Variants in RANBP2 observed in about 807,000 individuals in gnomAD.
RANBP2 encodes the protein E3 SUMO-protein ligase RanBP2.
A neutral mutation model predicts 303.6 loss-of-function variants in RANBP2; 57 were observed. That is an observed-to-expected ratio of 0.19 (90% CI 0.15 to 0.23). RANBP2 has a LOEUF of 0.23. RANBP2 is among the 10% of genes least tolerant of loss of function. The pLI, the probability that RANBP2 is intolerant of heterozygous loss-of-function variation, is 1.00. For synonymous variants in RANBP2, 1,167 were observed against 1,301.5 expected (o/e 0.90, Z 2.23); for missense variants, 3,138 against 3,780.8 (o/e 0.83, Z 4.46).
At chr2:109,569,893 T>C in the RANBP2 span, among the ~76,000 whole-genome samples, 1 of 152,066 alleles carries the variant, frequency 6.6e-6, no homozygotes, top group Non-Finnish European at 1.5e-5. Flanking sequence ...TGTTCTGCTT[T>C]TTAGTAACAG....
At chr2:109,062,558 G>A in the RANBP2 span, among the ~76,000 whole-genome samples, 1 of 152,252 alleles carries the variant, frequency 6.6e-6, no homozygotes, top group East Asian at 1.9e-4. Context: ...CCACACCCAG[G>A]AAAGTCCCCT....
At chr2:108,997,613 C>T in the RANBP2 span, among the ~76,000 whole-genome samples, 1 of 150,926 alleles carries the variant, frequency 6.6e-6, no homozygotes. Flanking sequence ...GCTCTGTGGC[C>T]GAGCACGGTG....
chr2:109,363,844 TTATAGGTAATG>T, the RANBP2 span, among the ~76,000 whole-genome samples: 1 of 152,194 alleles, frequency 6.6e-6, no homozygotes, highest in Non-Finnish European at 1.5e-5. Flanking sequence ...CTTTGCTCCT[TTATAGGTAATG>T]TGTTTTTTCC....
the RANBP2 span, among the ~76,000 whole-genome samples, chr2:109,517,310 C>T: frequency 5.3e-5 from 8 of 152,192 alleles, no homozygotes; most frequent in African/African-American, 1.9e-4. Context: ...TCTTTATCCC[C>T]GGACTGTGCG....
the RANBP2 span, among the ~76,000 whole-genome samples, chr2:109,389,762 A>C: frequency 6.6e-6 from 1 of 152,214 alleles, no homozygotes; most frequent in Non-Finnish European, 1.5e-5. Context: ...TACACATTAC[A>C]TATGTATAAT....
At chr2:109,398,651 G>A in the RANBP2 span, 1 of 1,604,162 alleles carries the variant, frequency 6.2e-7, no homozygotes, top group Non-Finnish European at 8.5e-7. Context: ...GCTGCATCCA[G>A]CTGCAATGCC....
the RANBP2 span, among the ~76,000 whole-genome samples, chr2:108,898,959 CAAG>C: frequency 3.9e-5 from 6 of 152,050 alleles, no homozygotes; most frequent in Non-Finnish European, 5.9e-5. Flanking sequence ...ACATTTGTGT[CAAG>C]AAGTTTCAGA....
the RANBP2 span, among the ~76,000 whole-genome samples, chr2:109,029,586 G>C: frequency 6.6e-6 from 1 of 152,202 alleles, no homozygotes; most frequent in South Asian, 2.1e-4. Flanking sequence ...TGTCCCTGCC[G>C]GGCAAACTTT....
the RANBP2 span, chr2:109,614,925 C>T: frequency 2.0e-6 from 3 of 1,493,054 alleles, no homozygotes; most frequent in Non-Finnish European, 1.8e-6. Context: ...CGCGCACTGG[C>T]CGCCCCTGAG....
At chr2:108,856,948 G>T in the RANBP2 span, 1 of 1,603,598 alleles carries the variant, frequency 6.2e-7, no homozygotes. Flanking sequence ...TTGATAGTTT[G>T]CTCCAGATGA....
the RANBP2 span, among the ~76,000 whole-genome samples, chr2:109,462,871 C>T: frequency 2.0e-5 from 3 of 152,218 alleles, no homozygotes; most frequent in African/African-American, 7.2e-5. Context: ...ACTGGCAGAC[C>T]ATAGTGACAT....
chr2:109,450,590 A>G, the RANBP2 span, among the ~76,000 whole-genome samples: 1 of 152,252 alleles, frequency 6.6e-6, no homozygotes, highest in African/African-American at 2.4e-5. Context: ...ATTCCATTAA[A>G]CCCAATATCC....
the RANBP2 span, among the ~76,000 whole-genome samples, chr2:109,099,561 T>C: frequency 1.3e-5 from 2 of 152,114 alleles, no homozygotes; most frequent in Non-Finnish European, 2.9e-5. Context: ...AACTCAGTTT[T>C]TAAGGTTTCT....
the RANBP2 span, among the ~76,000 whole-genome samples, chr2:108,793,774 T>C: frequency 6.6e-6 from 1 of 151,934 alleles, no homozygotes; most frequent in South Asian, 2.1e-4. Context: ...TTTTTTTTTT[T>C]TGTATTTTTA....
the RANBP2 span, among the ~76,000 whole-genome samples, chr2:109,380,980 G>A: frequency 0.28 from 41,954 of 152,214 alleles, 6,733 homozygotes; most frequent in Non-Finnish European, 0.37. Flanking sequence ...GCTGATTGCC[G>A]ACTGTTTTGG....
At chr2:109,288,874 C>G in the RANBP2 span, among the ~76,000 whole-genome samples, 1 of 152,120 alleles carries the variant, frequency 6.6e-6, no homozygotes, top group African/African-American at 2.4e-5. Flanking sequence ...GATGGGTGTT[C>G]CGTAAAGAAA....
the RANBP2 span, among the ~76,000 whole-genome samples, chr2:109,276,369 T>G: frequency 6.6e-6 from 1 of 152,178 alleles, no homozygotes; most frequent in African/African-American, 2.4e-5. Flanking sequence ...CCGTAGTAGA[T>G]GTAGCAGCTG....
the RANBP2 span, among the ~76,000 whole-genome samples, chr2:109,542,555 G>A: frequency 2.0e-5 from 3 of 152,092 alleles, no homozygotes; most frequent in Admixed American, 6.5e-5. Flanking sequence ...CAGTGTCATC[G>A]AGCCCATCTG....
chr2:109,076,880 A>G, the RANBP2 span, among the ~76,000 whole-genome samples: 1 of 150,564 alleles, frequency 6.6e-6, no homozygotes. Flanking sequence ...TTTCTCAGAA[A>G]TAGGAAAACA....
Sources: allele counts gnomAD v4.1 joint callset (sites outside exome capture counted in the v4.1 genomes callset), GRCh38; gene constraint gnomAD v4.1.1; transcripts MANE v1.5; gene names NCBI Gene and HGNC (gene_info 2026-07-23, HGNC 2026-07-21).